PLCXD3: variants seen among roughly 807,000 people sequenced by gnomAD.
The protein encoded by PLCXD3 is phosphatidylinositol specific phospholipase C X domain containing 3.
PLCXD3 carries 19 observed loss-of-function variants against 25.5 expected under a neutral mutation model. That is an observed-to-expected ratio of 0.75 (90% CI 0.52 to 1.09). The LOEUF (loss-of-function observed/expected upper bound fraction) is 1.09, where lower values mean the gene tolerates loss of function less well. Ranked by LOEUF, PLCXD3 falls within the 50% of genes least tolerant of loss-of-function variation. The probability of loss-of-function intolerance (pLI) is 0.00; values close to 1 mark genes in which losing one functional copy is unlikely to be tolerated. For synonymous variants in PLCXD3, 174 were observed against 137.6 expected, an observed-to-expected ratio of 1.26 and a Z score of -1.85; for missense variants, 411 against 388.1, an observed-to-expected ratio of 1.06 and a Z score of -0.50.
chr5:41,472,382 T>C (rs981918369), intron 1 of PLCXD3, among the ~76,000 whole-genome samples: 3 of 152,188 alleles, frequency 2.0e-5, no homozygotes, highest in African/African-American at 7.2e-5. Flanking sequence ...ATTTTCTTCA[T>C]TCTCTAACTA....
chr5:41,467,467 T>C (rs1036356181), intron 1 of PLCXD3, among the ~76,000 whole-genome samples: 1 of 152,162 alleles, frequency 6.6e-6, no homozygotes, highest in African/African-American at 2.4e-5. Flanking sequence ...TTAACAGATT[T>C]ATGATTTGCA....
chr5:41,366,968 TCTC>T (rs1403408356), intron 2 of PLCXD3, among the ~76,000 whole-genome samples: 1 of 152,176 alleles, frequency 6.6e-6, no homozygotes, highest in African/African-American at 2.4e-5. Flanking sequence ...AAAGACATGA[TCTC>T]CTCCTTTTTA....
intron 1 of PLCXD3, among the ~76,000 whole-genome samples, chr5:41,424,754 T>C (rs1561269503): frequency 6.6e-6 from 1 of 152,226 alleles, no homozygotes; most frequent in Non-Finnish European, 1.5e-5. Context: ...TGTTACTTAG[T>C]ATTTGTTGAG....
intron 1 of PLCXD3, among the ~76,000 whole-genome samples, chr5:41,415,616 T>A (rs1295263388): frequency 6.6e-6 from 1 of 152,218 alleles, no homozygotes; most frequent in Admixed American, 6.5e-5. Context: ...GATACTTAGT[T>A]CCATTCTGCA....
chr5:41,336,712 C>G (rs1161947826), intron 2 of PLCXD3, among the ~76,000 whole-genome samples: 1 of 152,140 alleles, frequency 6.6e-6, no homozygotes, highest in Non-Finnish European at 1.5e-5. Context: ...TTTGGAATAA[C>G]TTGCATGCAA....
intron 2 of PLCXD3, among the ~76,000 whole-genome samples, 176 bp from the exon 3 acceptor site, chr5:41,313,946 C>T (rs1470205679): frequency 6.6e-6 from 1 of 152,152 alleles, no homozygotes; most frequent in Non-Finnish European, 1.5e-5. Flanking sequence ...TGAAGAAACT[C>T]TGCAGGAGAA....
intron 2 of PLCXD3, among the ~76,000 whole-genome samples, chr5:41,322,571 G>T (rs187561206): frequency 3.3e-5 from 5 of 152,322 alleles, no homozygotes; most frequent in South Asian, 2.1e-4. Context: ...ATACACAAAA[G>T]ATAGAAAATC....
chr5:41,352,032 A>G (rs1356147956), intron 2 of PLCXD3, among the ~76,000 whole-genome samples: 4 of 152,132 alleles, frequency 2.6e-5, no homozygotes, highest in African/African-American at 7.2e-5. Context: ...TACTTAATTT[A>G]TTTACTGTAG....
chr5:41,493,723 T>C (rs1325413685), intron 1 of PLCXD3, among the ~76,000 whole-genome samples: 1 of 152,206 alleles, frequency 6.6e-6, no homozygotes, highest in African/African-American at 2.4e-5. Flanking sequence ...TCCGTGGGCA[T>C]TTAGGACCCT....
intron 1 of PLCXD3, chr5:41,456,672 G>C (rs1404930249): frequency 1.2e-5 from 3 of 242,102 alleles, no homozygotes; most frequent in Non-Finnish European, 2.0e-5. Flanking sequence ...ATTAGGTCCT[G>C]AAGGTGGAGC....
intron 1 of PLCXD3, among the ~76,000 whole-genome samples, chr5:41,436,631 C>T (rs1463303413): frequency 6.6e-6 from 1 of 152,120 alleles, no homozygotes; most frequent in African/African-American, 2.4e-5. Flanking sequence ...TGGTAAGTGG[C>T]CCTGAAGTCT....
intron 2 of PLCXD3, among the ~76,000 whole-genome samples, chr5:41,337,415 G>A (rs1744016979): frequency 6.6e-6 from 1 of 152,160 alleles, no homozygotes; most frequent in East Asian, 1.9e-4. Context: ...GGAGGATATT[G>A]ATTACATCAT....
chr5:41,335,572 T>A (rs748462281), intron 2 of PLCXD3, among the ~76,000 whole-genome samples: 1 of 152,180 alleles, frequency 6.6e-6, no homozygotes, highest in African/African-American at 2.4e-5. Context: ...AGTATTACTT[T>A]AAAAATATGC....
chr5:41,428,254 C>T lies in PLCXD3; in HGVS notation c.104-45720G>A, dbSNP rs183126751. Among the ~76,000 whole-genome samples, 49 of 152,226 alleles carry T rather than the reference C, an allele frequency of 3.2e-4. No individual in the cohort carries two copies. The East Asian group carries it at 5.8e-3, about 18-fold the overall frequency. On this transcript the variant is annotated intron_variant, in intron 1 of 2. Transcript: ENST00000377801. ...ACATGTATTAAAAATATTATTTCAA[C>T]CAGTATCCCTTGGTATTTATTATGT...
intron 2 of PLCXD3, among the ~76,000 whole-genome samples, chr5:41,320,743 G>A (rs1196324319): frequency 3.9e-5 from 6 of 152,086 alleles, no homozygotes; most frequent in Non-Finnish European, 7.4e-5. Context: ...TGATCCGTCC[G>A]CCTCGGCCTC....
intron 1 of PLCXD3, among the ~76,000 whole-genome samples, chr5:41,425,747 A>G (rs375807921): frequency 6.6e-6 from 1 of 152,298 alleles, no homozygotes; most frequent in African/African-American, 2.4e-5. Flanking sequence ...GGCTTTTTGT[A>G]CTGGCTTCTT....
chr5:41,458,080 G>T (rs903877801), intron 1 of PLCXD3, among the ~76,000 whole-genome samples: 1 of 151,810 alleles, frequency 6.6e-6, no homozygotes, highest in African/African-American at 2.4e-5. Flanking sequence ...CTAAATAGGA[G>T]TTGTTACTGG....
At chr5:41,379,223 A>T (rs1745383546) in intron 2 of PLCXD3, among the ~76,000 whole-genome samples, 1 of 152,086 alleles carries the variant, frequency 6.6e-6, no homozygotes. Context: ...CCCATCAGAG[A>T]TTCTTCAAAA....
At chr5:41,442,328 G>A (rs868597799) in intron 1 of PLCXD3, among the ~76,000 whole-genome samples, 2 of 152,146 alleles carry the variant, frequency 1.3e-5, no homozygotes, top group Non-Finnish European at 2.9e-5. Context: ...TCACTGGACA[G>A]TTTTCAGTGC....
Sources: gnomAD v4.1 joint callset for allele counts (sites outside exome capture counted in the v4.1 genomes callset) on GRCh38, gnomAD v4.1.1 for gene constraint, MANE v1.5 for transcripts, NCBI Gene and HGNC (gene_info 2026-07-23, HGNC 2026-07-21) for gene names.